ST8SIA6: variants seen among roughly 807,000 people sequenced by gnomAD.
The protein encoded by ST8SIA6 is ST8 alpha-N-acetyl-neuraminide alpha-2,8-sialyltransferase 6.
ST8SIA6 carries 39 observed loss-of-function variants against 33.6 expected under a neutral mutation model. That is an observed-to-expected ratio of 1.16 (90% CI 0.90 to 1.52). The LOEUF (loss-of-function observed/expected upper bound fraction) is 1.52, where lower values mean the gene tolerates loss of function less well. Among genes scored for constraint, ST8SIA6 ranks in the 40% most tolerant of loss-of-function variants. The pLI, the probability that ST8SIA6 is intolerant of heterozygous loss-of-function variation, is 0.00. For synonymous variants in ST8SIA6, 172 were observed against 167.2 expected (o/e 1.03, Z -0.22); for missense variants, 441 against 443.8 (o/e 0.99, Z 0.06).
chr10:17,331,273 C>T lies in ST8SIA6; in HGVS notation c.522+135G>A, dbSNP rs1256101427. The T allele has an allele frequency of 9.1e-6, 10 of 1,096,462 alleles. No individual in the cohort carries two copies. The South Asian group carries it at 1.3e-4, about 14-fold the overall frequency. The allele number at this position is 1,096,462 out of a possible 1,614,324, so 67.9% of individuals were successfully genotyped here. A position where few individuals can be genotyped will look rare whatever the true frequency, so the allele number is the denominator to read the frequency against. ...AAAATGGCCCTTTTAAAAAATGGCT[C>T]ACTGTCCAAATTTTATACAACATAA... On this transcript the variant is annotated intron_variant, in intron 5 of 7. Transcript: ENST00000377602.
At chr10:17,408,966 A>G (rs1455494263) in intron 2 of ST8SIA6, among the ~76,000 whole-genome samples, 1 of 145,068 alleles carries the variant, frequency 6.9e-6, no homozygotes, top group Admixed American at 6.8e-5. Flanking sequence ...TATTTTTAGT[A>G]GAGATGGGGT....
At chr10:17,430,174 A>G (rs763407958) in intron 2 of ST8SIA6, among the ~76,000 whole-genome samples, 5 of 152,146 alleles carry the variant, frequency 3.3e-5, no homozygotes, top group Non-Finnish European at 7.3e-5. Flanking sequence ...CTCCTGTGTT[A>G]CTTCATTAAG....
At chr10:17,349,062 G>A (rs1036855104) in intron 4 of ST8SIA6, among the ~76,000 whole-genome samples, 3 of 152,178 alleles carry the variant, frequency 2.0e-5, no homozygotes, top group Non-Finnish European at 4.4e-5. Flanking sequence ...TCATATAAAG[G>A]TAAATCCTTT....
At chr10:17,378,914 C>T (rs189242530) in intron 3 of ST8SIA6, among the ~76,000 whole-genome samples, 1 of 152,224 alleles carries the variant, frequency 6.6e-6, no homozygotes, top group East Asian at 1.9e-4. Context: ...ATCATGAGGT[C>T]AGGAGATCAA....
chr10:17,367,161 C>T (rs1261788729), intron 3 of ST8SIA6, among the ~76,000 whole-genome samples: 1 of 152,120 alleles, frequency 6.6e-6, no homozygotes, highest in African/African-American at 2.4e-5. Context: ...AGTCCATTTT[C>T]ATACTGCTAT....
chr10:17,411,448 G>A (rs763369606), intron 2 of ST8SIA6, among the ~76,000 whole-genome samples: 4 of 152,130 alleles, frequency 2.6e-5, no homozygotes, highest in African/African-American at 7.2e-5. Context: ...CTCCCAAAGT[G>A]CTGGGATTAC....
At chr10:17,397,481 C>A (rs902754152) in intron 2 of ST8SIA6, among the ~76,000 whole-genome samples, 2 of 152,056 alleles carry the variant, frequency 1.3e-5, no homozygotes, top group African/African-American at 4.8e-5. Flanking sequence ...GTGATCCGCC[C>A]GCCTCGGCCT....
In ST8SIA6 at chr10:17,319,685, AG is replaced by A. The variant is rs1847882765; in HGVS notation, c.*1192del. Among the ~76,000 whole-genome samples the A allele has an allele frequency of 6.6e-6, 1 of 151,854 alleles. No individual in the cohort carries two copies. Among genetic ancestry groups the A allele is most frequent in the Non-Finnish European group, 1.5e-5 (1 of 67,958 alleles). ...GATAGGATATTATATGGGAAAAAAA[AG>A]TAAGCTCTAAATGTCCTAACTATAT... On this transcript the variant is annotated 3_prime_UTR_variant, in exon 8 of 8. Transcript: ENST00000377602.
intron 4 of ST8SIA6, among the ~76,000 whole-genome samples, chr10:17,349,102 T>C (rs1259480150): frequency 1.3e-5 from 2 of 152,174 alleles, no homozygotes; most frequent in African/African-American, 4.8e-5. Flanking sequence ...AGAAAGACGA[T>C]AACCTAGAAA....
At chr10:17,395,330 G>A (rs1428840995) in intron 2 of ST8SIA6, among the ~76,000 whole-genome samples, 1 of 152,108 alleles carries the variant, frequency 6.6e-6, no homozygotes, top group African/African-American at 2.4e-5. Context: ...ACATCCTGCT[G>A]CAGGAGAACT....
At chr10:17,445,733 A>C (rs543091702) in intron 2 of ST8SIA6, among the ~76,000 whole-genome samples, 1 of 152,352 alleles carries the variant, frequency 6.6e-6, no homozygotes, top group East Asian at 1.9e-4. Context: ...TACATAATAC[A>C]GCAACACTGA....
intron 2 of ST8SIA6, among the ~76,000 whole-genome samples, chr10:17,448,592 T>TTTGTTG (rs1202924895): frequency 4.1e-5 from 6 of 147,248 alleles, no homozygotes; most frequent in African/African-American, 1.3e-4. Flanking sequence ...TGGCAGGGTT[T>TTTGTTG]TTATTGTTGT....
intron 4 of ST8SIA6, among the ~76,000 whole-genome samples, chr10:17,332,187 C>T (rs1848324060): frequency 6.6e-6 from 1 of 152,196 alleles, no homozygotes; most frequent in African/African-American, 2.4e-5. Context: ...TTTATCCAAT[C>T]TATCATTGAT....
chr10:17,321,867 GAGA>G (rs749290270), intron 7 of ST8SIA6, among the ~76,000 whole-genome samples: 3 of 152,056 alleles, frequency 2.0e-5, no homozygotes, highest in Non-Finnish European at 2.9e-5. Context: ...AGGCTGAGGC[GAGA>G]AGATCACTTG....
chr10:17,362,591 A>G (rs895768780), intron 3 of ST8SIA6, among the ~76,000 whole-genome samples: 2 of 152,194 alleles, frequency 1.3e-5, no homozygotes, highest in Non-Finnish European at 2.9e-5. Context: ...AAATTTAATT[A>G]TGACTTTACA....
At chr10:17,388,422 C>CA (rs762445873) in intron 3 of ST8SIA6, among the ~76,000 whole-genome samples, 3 of 152,138 alleles carry the variant, frequency 2.0e-5, no homozygotes, top group Non-Finnish European at 2.9e-5. Flanking sequence ...ATCCCCAGAT[C>CA]AAACTCCAAC....
chr10:17,396,402 A>C (rs1460763691), intron 2 of ST8SIA6, among the ~76,000 whole-genome samples: 1 of 152,164 alleles, frequency 6.6e-6, no homozygotes, highest in Non-Finnish European at 1.5e-5. Flanking sequence ...TTACATGCCC[A>C]GTTCCCTCCA....
At chr10:17,439,173 G>C (rs1309066670) in intron 2 of ST8SIA6, among the ~76,000 whole-genome samples, 1 of 151,740 alleles carries the variant, frequency 6.6e-6, no homozygotes, top group East Asian at 1.9e-4. Context: ...CAGCTTTTCA[G>C]ATTCATATCT....
At chr10:17,359,144 G>A (rs1849300330) in intron 4 of ST8SIA6, among the ~76,000 whole-genome samples, 1 of 152,134 alleles carries the variant, frequency 6.6e-6, no homozygotes, top group Non-Finnish European at 1.5e-5. Context: ...CTAAAGGGAT[G>A]GGATTAGAGA....
Sources: allele counts gnomAD v4.1 joint callset (sites outside exome capture counted in the v4.1 genomes callset), GRCh38; gene constraint gnomAD v4.1.1; transcripts MANE v1.5; gene names NCBI Gene and HGNC (gene_info 2026-07-23, HGNC 2026-07-21).